Variants in MAP3K7 observed in about 807,000 individuals in gnomAD.
The protein encoded by MAP3K7 is mitogen-activated protein kinase kinase kinase 7.
Under a neutral mutation model 84.8 loss-of-function variants are expected in MAP3K7, and 21 were observed. That is an observed-to-expected ratio of 0.25 (90% CI 0.18 to 0.36). MAP3K7 has a LOEUF of 0.36. Among genes scored for constraint, MAP3K7 ranks in the 10% least tolerant of loss-of-function variants. The pLI, the probability that MAP3K7 is intolerant of heterozygous loss-of-function variation, is 1.00. For missense variants in MAP3K7, 503 were observed against 747.7 expected, an observed-to-expected ratio of 0.67 and a Z score of 3.82; for synonymous variants, 241 against 247.7, an observed-to-expected ratio of 0.97 and a Z score of 0.25.
intron 7 of MAP3K7, 148 bp downstream of exon 7, chr6:90,553,310 A>T (rs2127975133): frequency 1.3e-6 from 1 of 764,664 alleles, no homozygotes; most frequent in South Asian, 1.9e-5. Flanking sequence ...GACAGGGCAG[A>T]GTCTGATAAT....
At chr6:90,572,844 CA>C (rs1404882583) in intron 1 of MAP3K7, among the ~76,000 whole-genome samples, 1 of 151,898 alleles carries the variant, frequency 6.6e-6, no homozygotes, top group Non-Finnish European at 1.5e-5. Flanking sequence ...AAAAAGAAAA[CA>C]AAAATAGCTT....
chr6:90,526,713 T>TA (rs1469601190), intron 13 of MAP3K7, among the ~76,000 whole-genome samples: 1 of 151,946 alleles, frequency 6.6e-6, no homozygotes, highest in Non-Finnish European at 1.5e-5. Flanking sequence ...GACAATACTA[T>TA]AAAAATGAAC....
chr6:90,548,764 G>C (rs1265066098), intron 9 of MAP3K7, among the ~76,000 whole-genome samples: 1 of 150,026 alleles, frequency 6.7e-6, no homozygotes, highest in East Asian at 2.0e-4. Context: ...AGAACAGACG[G>C]CCAGAGATGT....
chr6:90,533,598 A>C (rs954406676), intron 13 of MAP3K7, among the ~76,000 whole-genome samples: 3 of 152,158 alleles, frequency 2.0e-5, no homozygotes, highest in Admixed American at 2.0e-4. Context: ...GGGAGAGGAC[A>C]ATGTTAGGTA....
rs751184932 is a variant in MAP3K7, at chr6:90,547,331, C to G, written c.1137G>C (p.Leu379Phe). Residue 379 changes from leucine (L) to phenylalanine (F), a missense_variant, in exon 11 of 17, where the codon TTG becomes TTC. Leu to Phe is a conservative substitution (Grantham distance 22). Coordinates refer to ENST00000369329, the MANE Select transcript of MAP3K7 (RefSeq NM_145331.3). ...TCCTCTTGCCCTCAGAGGTTGGGGGCAAGCTCTCCACACTGCTCCCACGGG... is the reference window on the plus strand; with the variant it reads ...TCCTCTTGCCCTCAGAGGTTGGGGGGAAGCTCTCCACACTGCTCCCACGGG... ...GASRGSSVESLPPTSEGKRMS... is the reference protein window; with the variant it reads ...GASRGSSVESFPPTSEGKRMS... The G allele has an allele frequency of 5.0e-6, 8 of 1,612,458 alleles. No homozygotes were observed.
intron 13 of MAP3K7, among the ~76,000 whole-genome samples, chr6:90,534,112 A>C (rs542261726): frequency 6.6e-6 from 1 of 152,290 alleles, no homozygotes; most frequent in East Asian, 1.9e-4. Flanking sequence ...GGTTTTACTA[A>C]GATTATGTTT....
intron 13 of MAP3K7, among the ~76,000 whole-genome samples, chr6:90,531,226 T>C (rs956332862): frequency 6.6e-6 from 1 of 152,142 alleles, no homozygotes; most frequent in Non-Finnish European, 1.5e-5. Flanking sequence ...CAGACAAAAA[T>C]AAAGCTCAGC....
At chr6:90,549,030 G>C (rs1268504022) in intron 9 of MAP3K7, among the ~76,000 whole-genome samples, 1 of 152,078 alleles carries the variant, frequency 6.6e-6, no homozygotes, top group Non-Finnish European at 1.5e-5. Flanking sequence ...TGCAAATACA[G>C]ACTACGTATG....
chr6:90,555,863 A>G (rs1776320169), intron 6 of MAP3K7, among the ~76,000 whole-genome samples: 1 of 152,204 alleles, frequency 6.6e-6, no homozygotes, highest in Admixed American at 6.5e-5. Context: ...TTGAACTCAT[A>G]GTCAACATTT....
chr6:90,560,664 A>G (rs1043894263), intron 4 of MAP3K7, among the ~76,000 whole-genome samples: 9 of 152,088 alleles, frequency 5.9e-5, no homozygotes, highest in African/African-American at 2.2e-4. Context: ...CTGGCCTTTT[A>G]ATTTTTCTTC....
At chr6:90,550,447 T>C (rs745608857) in intron 9 of MAP3K7, 21 bp downstream of exon 9, 1 of 1,511,064 alleles carries the variant, frequency 6.6e-7, no homozygotes, top group South Asian at 1.2e-5. Context: ...AAGTCAATAC[T>C]CTTCCAATCT....
intron 13 of MAP3K7, among the ~76,000 whole-genome samples, chr6:90,525,025 A>G (rs901777205): frequency 2.5e-4 from 36 of 145,080 alleles, no homozygotes; most frequent in African/African-American, 7.4e-4. Context: ...ACTTGAAAGA[A>G]AAGAAAGAGA....
At chr6:90,555,476 C>T (rs549356263) in intron 6 of MAP3K7, among the ~76,000 whole-genome samples, 3 of 152,218 alleles carry the variant, frequency 2.0e-5, no homozygotes, top group South Asian at 2.1e-4. Context: ...AGGATGGTCT[C>T]GATCTCCTGA....
intron 6 of MAP3K7, among the ~76,000 whole-genome samples, chr6:90,555,061 C>G (rs571467534): frequency 1.7e-3 from 264 of 152,306 alleles, no homozygotes; most frequent in African/African-American, 6.1e-3. Context: ...CACTTCCTAA[C>G]ATACAAATCA....
chr6:90,560,081 T>G lies in MAP3K7; in HGVS notation c.477A>C (p.Pro159=). 1 of 1,614,096 alleles carries G rather than the reference T, an allele frequency of 6.2e-7. No homozygotes were observed. Residue 159 remains proline, a synonymous_variant, in exon 5 of 17, where the codon CCA becomes CCC. Coordinates refer to ENST00000369329, the MANE Select transcript of MAP3K7 (RefSeq NM_145331.3). ...PKALIHRDLK[P]PNLLLVAGGT... ...GTCACATTATTATAACTTACTTTGGTGGTTTCAGGTCCCTGTGAATTAGCG... is the reference window on the plus strand; with the variant it reads ...GTCACATTATTATAACTTACTTTGGGGGTTTCAGGTCCCTGTGAATTAGCG...
In MAP3K7 at chr6:90,552,160, T is replaced by G. The variant is rs1358054091; in HGVS notation, c.756A>C (p.Ile252=). 1.2e-6 allele frequency: 2 copies of G among 1,610,738 alleles called. No homozygotes were observed. Among genetic ancestry groups the G allele is most frequent in the East Asian group, 2.2e-5 (1 of 44,814 alleles). The change falls in exon 8 of 17, where the codon ATA becomes ATC. Residue 252 remains isoleucine (I), a synonymous_variant. Transcript: ENST00000369329. The part of the protein sequence containing the change: ...AVHNGTRPPL[I]KNLPKPIESL... The stretch of plus-strand genomic sequence containing the variant: ...TCTCAATGGGCTTAGGTAAATTTTT[T>G]ATCAGTGGTGGTCGAGTACCTACAA...
At chr6:90,582,430 A>C (rs1249870080) in intron 1 of MAP3K7, among the ~76,000 whole-genome samples, 1 of 152,230 alleles carries the variant, frequency 6.6e-6, no homozygotes, top group Non-Finnish European at 1.5e-5. Context: ...AAAGCGCCTT[A>C]CATTTTGCTG....
chr6:90,536,313 T>C (rs904485749), intron 13 of MAP3K7, 24 bp downstream of exon 13: 11 of 1,587,014 alleles, frequency 6.9e-6, no homozygotes, highest in African/African-American at 1.3e-5. Flanking sequence ...TCTTCAAAGA[T>C]AGAAAATTTG....
intron 11 of MAP3K7, among the ~76,000 whole-genome samples, chr6:90,546,104 T>C (rs1431302516): frequency 3.3e-5 from 5 of 152,162 alleles, no homozygotes; most frequent in Non-Finnish European, 4.4e-5. Flanking sequence ...CTTGTTTATA[T>C]GTGAAAAATA....
Sources: gnomAD v4.1 joint callset for allele counts (sites outside exome capture counted in the v4.1 genomes callset) on GRCh38, gnomAD v4.1.1 for gene constraint, MANE v1.5 for transcripts, NCBI Gene and HGNC (gene_info 2026-07-23, HGNC 2026-07-21) for gene names.